ANKRD27: variants seen among roughly 807,000 people sequenced by gnomAD.
The protein encoded by ANKRD27 is ankyrin repeat domain 27.
In ANKRD27, 112 loss-of-function variants were observed where a neutral mutation model predicts 129.7. The ratio of observed to expected loss-of-function variants is 0.86; its 90% CI spans 0.74 to 1.01. The LOEUF is 1.01. ANKRD27 is among the 50% of genes least tolerant of loss of function. ANKRD27 has a pLI of 0.00. For missense variants in ANKRD27, 1,258 were observed against 1,300.5 expected, an observed-to-expected ratio of 0.97 and a Z score of 0.50; for synonymous variants, 516 against 511.2, an observed-to-expected ratio of 1.01 and a Z score of -0.13.
chr19:32,642,012 C>T lies in ANKRD27; in HGVS notation c.904+12G>A. 1 of 1,566,242 alleles carries T rather than the reference C, an allele frequency of 6.4e-7. No individual in the cohort carries two copies. Among genetic ancestry groups the T allele is most frequent in the East Asian group, 2.3e-5 (1 of 43,702 alleles). ...ATCTACCCCTTGGCCAGTCCCCTTT[C>T]CAAGCACAAACCTCTCTGGCTTGGA... On this transcript the variant is annotated intron_variant, in intron 10 of 28. Transcript: ENST00000306065.
intron 12 of ANKRD27, among the ~76,000 whole-genome samples, chr19:32,631,791 C>G (rs1966998739): frequency 6.6e-6 from 1 of 152,340 alleles, no homozygotes; most frequent in South Asian, 2.1e-4. Flanking sequence ...CGCACACACA[C>G]CATTGTCCTC....
At chr19:32,628,209 C>T in intron 14 of ANKRD27, 44 bp from the exon 15 acceptor site, 1 of 1,546,928 alleles carries the variant, frequency 6.5e-7, no homozygotes, top group South Asian at 1.1e-5. Context: ...GGGAATGGCA[C>T]AGCAAAGCCT....
intron 20 of ANKRD27, 72 bp downstream of exon 20, chr19:32,619,188 C>T: frequency 1.9e-6 from 3 of 1,544,366 alleles, no homozygotes; most frequent in Non-Finnish European, 2.6e-6. Flanking sequence ...CAGGCCACGG[C>T]TCTTCAGCTG....
chr19:32,631,072 G>A (rs1277096112), intron 13 of ANKRD27, among the ~76,000 whole-genome samples: 1 of 151,962 alleles, frequency 6.6e-6, no homozygotes, highest in Non-Finnish European at 1.5e-5. Context: ...AGGCTAGAGT[G>A]CAATGGCATG....
At chr19:32,609,587 T>C (rs1971802808) in intron 22 of ANKRD27, among the ~76,000 whole-genome samples, 1 of 147,292 alleles carries the variant, frequency 6.8e-6, no homozygotes, top group East Asian at 2.1e-4. Context: ...TACAAAAGAT[T>C]CTCGAAAGTG....
Position 32,600,026 on chromosome 19 carries a change from G to A in ANKRD27, c.2792C>T (p.Pro931Leu). The A allele has an allele frequency of 6.2e-7, 1 of 1,612,348 alleles. No homozygotes were observed. Among genetic ancestry groups the A allele is most frequent in the Non-Finnish European group, 8.5e-7 (1 of 1,178,780 alleles). The change falls in exon 27 of 29, where the codon CCA becomes CTA. Residue 931 changes from proline to leucine, a missense_variant. Physicochemically the swap from Pro to Leu is moderately conservative, Grantham distance 98. Coordinates refer to ENST00000306065, the MANE Select transcript of ANKRD27 (RefSeq NM_032139.3). ...AAACTGTCTTGTAAAAGGCTCATCT[G>A]GTAGATCATACAGTTTTGAGTTCCC... The part of the protein sequence containing the change: ...KKWNSKLYDL[P>L]DEPFTRQFYF...
chr19:32,621,819 CCTCT>C (rs1033966425), intron 18 of ANKRD27, among the ~76,000 whole-genome samples: 2 of 152,052 alleles, frequency 1.3e-5, no homozygotes, highest in Non-Finnish European at 2.9e-5. Context: ...CTGCCACATG[CCTCT>C]CTAACGATGC....
At chr19:32,622,309 C>T in intron 18 of ANKRD27, 113 bp downstream of exon 18, 1 of 1,137,510 alleles carries the variant, frequency 8.8e-7, no homozygotes, top group African/African-American at 1.5e-5. Context: ...GGGTGCAAGC[C>T]AAGTTCTGCC....
intron 23 of ANKRD27, among the ~76,000 whole-genome samples, chr19:32,606,939 C>CAAAA (rs532062312): frequency 7.6e-4 from 50 of 65,632 alleles, no homozygotes; most frequent in South Asian, 1.5e-3. Context: ...CCCATCTCCA[C>CAAAA]AAAAAAAAAA....
chr19:32,620,220 T>C (rs1326452426), intron 18 of ANKRD27, among the ~76,000 whole-genome samples: 2 of 151,312 alleles, frequency 1.3e-5, no homozygotes, highest in Admixed American at 6.6e-5. Flanking sequence ...CTGTAGTTCT[T>C]ATGCTGTGTC....
Position 32,639,493 on chromosome 19 carries a change from T to A in ANKRD27, c.984-5A>T, listed in dbSNP as rs1346296719. 1.2e-6 allele frequency: 2 copies of A among 1,610,736 alleles called. No homozygotes were observed. Among genetic ancestry groups the A allele is most frequent in the African/African-American group, 1.3e-5 (1 of 74,890 alleles). ...ATGTAACTCAAATTTGCCATCCTAA[T>A]GAAAGGAAGAAAAAAGTTATGTTGT... On this transcript the variant is annotated splice_region_variant and splice_polypyrimidine_tract_variant and intron_variant, in intron 11 of 28. Transcript: ENST00000306065.
intron 3 of ANKRD27, 84 bp from the exon 4 acceptor site, chr19:32,646,699 C>G: frequency 6.9e-7 from 1 of 1,452,938 alleles, no homozygotes; most frequent in Non-Finnish European, 9.3e-7. Flanking sequence ...CAGCACTTAA[C>G]CAGACCCTAC....
At chr19:32,639,787 A>G (rs1270217567) in intron 11 of ANKRD27, among the ~76,000 whole-genome samples, 1 of 152,170 alleles carries the variant, frequency 6.6e-6, no homozygotes, top group African/African-American at 2.4e-5. Context: ...CTTTCTGCTC[A>G]ACCACTGTCT....
At chr19:32,604,149 C>T in intron 25 of ANKRD27, 114 bp downstream of exon 25, 2 of 1,259,248 alleles carry the variant, frequency 1.6e-6, no homozygotes, top group Non-Finnish European at 2.1e-6. Flanking sequence ...TACGCCCAGC[C>T]CGGCGATGCC....
At chr19:32,646,648 G>A in intron 3 of ANKRD27, 33 bp from the exon 4 acceptor site, 1 of 1,602,284 alleles carries the variant, frequency 6.2e-7, no homozygotes. Context: ...TGCACCAGCA[G>A]CCGGGGCAAC....
At position 32,622,454 on chromosome 19, in the gene ANKRD27, CCTT is replaced by C. The variant is rs773773914; in HGVS notation, c.1792_1794del (p.Lys598del). On this transcript the variant is annotated inframe_deletion, in exon 18 of 29. Transcript: ENST00000306065. ...TTTAATGCACACTTGAGGGGCGTCTCCTTCAGTCTGTTCTGGATCTCGGTGGAC... is the reference window on the plus strand; with the variant it reads ...TTTAATGCACACTTGAGGGGCGTCTCCAGTCTGTTCTGGATCTCGGTGGAC... 3.7e-6 allele frequency: 6 copies of C among 1,613,908 alleles called. No homozygotes were observed. The Admixed American group carries it at 8.3e-5, about 22-fold the overall frequency.
chr19:32,651,132 G>A (rs1967408512), intron 2 of ANKRD27, among the ~76,000 whole-genome samples: 1 of 152,102 alleles, frequency 6.6e-6, no homozygotes, highest in African/African-American at 2.4e-5. Flanking sequence ...TAGATGTTAG[G>A]CTAGAAGAAA....
intron 20 of ANKRD27, 120 bp from the exon 21 acceptor site, chr19:32,617,753 GTT>G (rs375079407): frequency 0.01 from 2,972 of 291,580 alleles, no homozygotes; most frequent in South Asian, 0.018. Flanking sequence ...GTCTGATTTA[GTT>G]TTTTTTTTTT....
chr19:32,663,348 T>C lies in ANKRD27; in HGVS notation c.-30-4303A>G, dbSNP rs373147925. Among the ~76,000 whole-genome samples the C allele has an allele frequency of 6.6e-4, 100 of 152,322 alleles. No homozygotes were observed. The South Asian group carries it at 0.018, about 27-fold the overall frequency. ...GTAGGAAGTAATAAATTGTGGCAGT[T>C]TGAAGTCACTACATTTTGGGTGGGT... On this transcript the variant is annotated intron_variant, in intron 1 of 28. Transcript: ENST00000306065.
Sources: gnomAD v4.1 joint callset for allele counts (sites outside exome capture counted in the v4.1 genomes callset) on GRCh38, gnomAD v4.1.1 for gene constraint, MANE v1.5 for transcripts, NCBI Gene and HGNC (gene_info 2026-07-23, HGNC 2026-07-21) for gene names.